DDB1: variants seen among roughly 807,000 people sequenced by gnomAD.
DDB1 encodes the protein damage specific DNA binding protein 1, also known as DNA damage-binding protein 1.
A neutral mutation model predicts 133.1 loss-of-function variants in DDB1; 18 were observed. The observed-to-expected ratio is 0.14, with a 90% CI of 0.09 to 0.20. The LOEUF (loss-of-function observed/expected upper bound fraction) is 0.20. Ranked by LOEUF, DDB1 falls within the 10% of genes least tolerant of loss-of-function variation. DDB1 has a pLI of 1.00. For synonymous variants in DDB1, 580 were observed against 550.5 expected (o/e 1.05, Z -0.75); for missense variants, 828 against 1,459.2 (o/e 0.57, Z 7.05).
chr11:61,325,925 C>T (rs886437395), intron 5 of DDB1: 12 of 623,694 alleles, frequency 1.9e-5, no homozygotes, highest in African/African-American at 1.8e-4. Flanking sequence ...TACTGCCACT[C>T]TTCTGGTGTT....
chr11:61,305,641 G>A (rs966813536), intron 21 of DDB1, among the ~76,000 whole-genome samples: 5 of 152,246 alleles, frequency 3.3e-5, no homozygotes, highest in Admixed American at 3.3e-4. Flanking sequence ...GTGAAGCGGG[G>A]GGCCTCAGAG....
At chr11:61,332,725 A>C (rs1856419053) in intron 1 of DDB1, 183 bp downstream of exon 1, 2 of 473,016 alleles carry the variant, frequency 4.2e-6, no homozygotes, top group African/African-American at 4.1e-5. Context: ...TCCAACCCCC[A>C]AAAAGCGCGT....
rs781703368 is a variant in DDB1 at position 61,322,356 on chromosome 11, G to A, written c.1062C>T (p.Thr354=). 1.1e-5 allele frequency: 17 copies of A among 1,613,998 alleles called. No homozygotes were observed. The Admixed American group carries it at 2.5e-4, about 24-fold the overall frequency. Residue 354 remains threonine (T), a synonymous_variant, in exon 9 of 27, where the codon ACC becomes ACT. Transcript: ENST00000301764. ...GSYVVAMETF[T]NLGPIVDMCV... The stretch of plus-strand genomic sequence containing the variant: ...ACATATCGACAATGGGTCCTAAGTT[G>A]GTAAAGGTTTCCATGGCCACTACAT...
In DDB1 at chr11:61,302,647, T is replaced by G. The variant is rs1290126396; in HGVS notation, c.3047A>C (p.Asn1016Thr). 1 of 1,614,224 alleles carries G rather than the reference T, an allele frequency of 6.2e-7. No homozygotes were observed. Among genetic ancestry groups the G allele is most frequent in the Non-Finnish European group, 8.5e-7 (1 of 1,180,036 alleles). ...VFCHGSLVMQNLGETSTPTQG... is the reference protein window; with the variant it reads ...VFCHGSLVMQTLGETSTPTQG... ...TGTGGGGGTGGAAGTCTCACCCAGATTCTGCATTACCAGAGAGCCGTGGCA... is the reference window on the plus strand; with the variant it reads ...TGTGGGGGTGGAAGTCTCACCCAGAGTCTGCATTACCAGAGAGCCGTGGCA... Residue 1016 changes from asparagine (N) to threonine (T), a missense_variant, in exon 24 of 27, where the codon AAT (asparagine) becomes ACT (threonine). Transcript: ENST00000301764.
At chr11:61,301,712 G>C (rs1031370637) in intron 25 of DDB1, 8 of 152,694 alleles carry the variant, frequency 5.2e-5, no homozygotes, top group African/African-American at 1.9e-4. Context: ...TCCTTGGCTA[G>C]AGCAGGGCCA....
chr11:61,323,158 C>A (rs1856212511), intron 7 of DDB1, 64 bp from the exon 8 acceptor site: 1 of 1,326,226 alleles, frequency 7.5e-7, no homozygotes, highest in Non-Finnish European at 1.1e-6. Flanking sequence ...CAGATACTAC[C>A]CACATCTCAG....
At chr11:61,302,404 A>C (rs995675675) in intron 24 of DDB1, 45 bp from the exon 25 acceptor site, 6 of 1,600,364 alleles carry the variant, frequency 3.7e-6, no homozygotes, top group Admixed American at 1.7e-5. Context: ...GCTCAACCCC[A>C]CAGCATGTAT....
chr11:61,306,888 T>C (rs1209513255), intron 21 of DDB1, among the ~76,000 whole-genome samples: 1 of 152,188 alleles, frequency 6.6e-6, no homozygotes, highest in Admixed American at 6.5e-5. Flanking sequence ...CCTAAACCTC[T>C]CAGAAATAAT....
chr11:61,312,003 G>A lies in DDB1; in HGVS notation c.2151C>T (p.Leu717=), dbSNP rs760992062. The A allele has an allele frequency of 4.3e-6, 7 of 1,614,122 alleles. No homozygotes were observed. Among genetic ancestry groups the A allele is most frequent in the South Asian group, 1.1e-5 (1 of 91,090 alleles). ...IQKLHIRTVP[L]YESPRKICYQ... ...CTGGGCCTCACCTTGGAGACTCATA[G>A]AGGGGAACTGTGCGAATGTGCAGCT... is the stretch of plus-strand genomic sequence containing the variant. The change falls in exon 17 of 27, where the codon CTC becomes CTT. Residue 717 remains leucine, a synonymous_variant. Coordinates refer to ENST00000301764, the MANE Select transcript of DDB1 (RefSeq NM_001923.5).
chr11:61,328,383 T>C (rs1485832411), intron 4 of DDB1, among the ~76,000 whole-genome samples: 3 of 152,210 alleles, frequency 2.0e-5, no homozygotes, highest in Non-Finnish European at 4.4e-5. Context: ...TTTCCTTCCA[T>C]CACTTATTCA....
intron 20 of DDB1, 66 bp downstream of exon 20, chr11:61,309,730 C>T (rs1855932007): frequency 1.3e-6 from 2 of 1,558,744 alleles, no homozygotes; most frequent in Non-Finnish European, 1.7e-6. Flanking sequence ...TCTGAAACCT[C>T]ACAATGGCCT....
rs1565036501 is a variant in DDB1 at position 61,322,406 on chromosome 11, C to T, written c.1012G>A (p.Val338Ile). The change falls in exon 9 of 27, where the codon GTT becomes ATT. Residue 338 changes from valine (V) to isoleucine (I), a missense_variant. Physicochemically the swap from Val to Ile is conservative, Grantham distance 29. Coordinates refer to ENST00000301764, the MANE Select transcript of DDB1 (RefSeq NM_001923.5). ...LGDSQLVKLN[V>I]DSNEQGSYVV... is the part of the protein sequence containing the mutation. ...TAGGAGCCTTGTTCATTACTGTCAA[C>T]GTTGAGCTAATAAGAAAGAACAATG... 6 of 1,612,678 alleles carry T rather than the reference C, an allele frequency of 3.7e-6. No individual in the cohort carries two copies. Among genetic ancestry groups the T allele is most frequent in the Admixed American group, 1.7e-5 (1 of 59,984 alleles).
At position 61,323,119 on chromosome 11, in the gene DDB1, A is replaced by G. The variant is rs942371920; in HGVS notation, c.922-25T>C. On this transcript the variant is annotated intron_variant, in intron 7 of 26. Transcript: ENST00000301764. ...TCTGGAAGAAAGTCAGCAACGTGAA[A>G]GAAATGAGAATGGACCCTACGTGGG... The G allele has an allele frequency of 3.1e-6, 5 of 1,600,844 alleles. No homozygotes were observed. In the African/African-American group the frequency reaches 6.7e-5, roughly 21 times the overall value.
At chr11:61,307,150 T>A (rs1278488942) in intron 21 of DDB1, among the ~76,000 whole-genome samples, 1 of 152,220 alleles carries the variant, frequency 6.6e-6, no homozygotes, top group Non-Finnish European at 1.5e-5. Context: ...CCCATCAGCA[T>A]AGAAAACATG....
intron 1 of DDB1, 32 bp from the exon 2 acceptor site, chr11:61,331,723 CA>C (rs1229891069): frequency 6.2e-7 from 1 of 1,612,176 alleles, no homozygotes; most frequent in East Asian, 2.2e-5. Context: ...CTTTTGAACT[CA>C]GGGGAAGGGC....
In DDB1 at chr11:61,299,776, T is replaced by TAC. The variant is rs1354467052; in HGVS notation, c.*358_*359dup. 5.8e-5 allele frequency: 19 copies of TAC among 327,122 alleles called. No individual in the cohort carries two copies. Among genetic ancestry groups the TAC allele is most frequent in the African/African-American group, 2.6e-4 (12 of 47,026 alleles). The allele number at this position is 327,122 out of a possible 1,614,324, so 20.3% of individuals were successfully genotyped here. A position where few individuals can be genotyped will look rare whatever the true frequency, so the allele number is the denominator to read the frequency against. On this transcript the variant is annotated 3_prime_UTR_variant, in exon 27 of 27. Coordinates refer to ENST00000301764, the MANE Select transcript of DDB1 (RefSeq NM_001923.5). ...AAGAGGACAATGCATGAGTGTGAGA[T>TAC]ACACATACACACACACACATACACA...
At chr11:61,300,314 C>G (rs2134888262) in intron 26 of DDB1, 95 bp from the exon 27 acceptor site, 1 of 1,269,754 alleles carries the variant, frequency 7.9e-7, no homozygotes, top group African/African-American at 1.5e-5. Flanking sequence ...GCACAAGACT[C>G]CACCATTGTC....
At chr11:61,305,041 C>G (rs1855863309) in intron 21 of DDB1, among the ~76,000 whole-genome samples, 1 of 152,178 alleles carries the variant, frequency 6.6e-6, no homozygotes, top group Non-Finnish European at 1.5e-5. Flanking sequence ...CAGACTCAAC[C>G]CATCTGAACT....
At chr11:61,319,075 G>C (rs188898404) in intron 10 of DDB1, among the ~76,000 whole-genome samples, 1 of 152,132 alleles carries the variant, frequency 6.6e-6, no homozygotes, top group Non-Finnish European at 1.5e-5. Flanking sequence ...GCGTGGTGGC[G>C]CATGGTTGGA....
Sources: gnomAD v4.1 joint callset for allele counts (sites outside exome capture counted in the v4.1 genomes callset) on GRCh38, gnomAD v4.1.1 for gene constraint, MANE v1.5 for transcripts, NCBI Gene and HGNC (gene_info 2026-07-23, HGNC 2026-07-21) for gene names.